The following SLC17A9 variants were observed in gnomAD, a reference collection of about 807,000 sequenced individuals.
SLC17A9 encodes voltage-gated purine nucleotide uniporter SLC17A9.
SLC17A9 carries 49 observed loss-of-function variants against 55.0 expected under a neutral mutation model. The observed-to-expected ratio is 0.89, with a 90% CI of 0.71 to 1.13. The LOEUF (loss-of-function observed/expected upper bound fraction) is 1.13. SLC17A9 is among the 50% of genes most tolerant of loss of function. The probability of loss-of-function intolerance (pLI) is 0.00; values close to 1 mark genes in which losing one functional copy is unlikely to be tolerated. For synonymous variants in SLC17A9, 256 were observed against 247.4 expected, an observed-to-expected ratio of 1.03 and a Z score of -0.32; for missense variants, 526 against 569.3, an observed-to-expected ratio of 0.92 and a Z score of 0.77.
chr20:62,953,622 C>G (rs2065510911), intron 1 of SLC17A9, among the ~76,000 whole-genome samples: 1 of 152,252 alleles, frequency 6.6e-6, no homozygotes, highest in Admixed American at 6.5e-5. Flanking sequence ...TGGGCCTAGA[C>G]TCAGGCCCTG....
Position 62,969,262 on chromosome 20 carries a change from A to ACGGTT in SLC17A9, c.*1764_*1768dup, listed in dbSNP as rs1680890873. 2 of 152,228 alleles carry ACGGTT rather than the reference A, an allele frequency of 1.3e-5. No individual in the cohort carries two copies. The highest frequency in any genetic ancestry group is 4.8e-5 in the African/African-American group (2 of 41,454). The allele number at this position is 152,228 out of a possible 1,614,324, so 9.4% of individuals were successfully genotyped here. Reference sequence around the variant, plus strand: ...TACCATTTTAGCCATTTTTAAGTGCACGGTTCTGTGGCATTAGGTACATTC... The same window carrying ACGGTT: ...TACCATTTTAGCCATTTTTAAGTGCACGGTTCGGTTCTGTGGCATTAGGTACATTC... On this transcript the variant is annotated 3_prime_UTR_variant, in exon 13 of 13. Transcript: ENST00000370351.
chr20:62,965,927 G>A (rs980942440), intron 10 of SLC17A9, among the ~76,000 whole-genome samples: 6 of 152,260 alleles, frequency 3.9e-5, no homozygotes, highest in Admixed American at 1.3e-4. Context: ...CAGCACGTGC[G>A]CGTGATTTGT....
rs763978816 is a variant in SLC17A9, at chr20:62,957,808, A to AGT, written c.397+237_397+238dup. ...GCACCTGTGTGTGTGTGCGTGTGCA[A>AGT]GTGTGTGTGTATGGGCATGCCCGCG... On this transcript the variant is annotated intron_variant, in intron 3 of 12. Coordinates refer to ENST00000370351, the MANE Select transcript of SLC17A9 (RefSeq NM_022082.4). Among the ~76,000 whole-genome samples, 6 of 96,588 alleles carry AGT rather than the reference A, an allele frequency of 6.2e-5. No homozygotes were observed. The South Asian group carries it at 1.3e-3, about 21-fold the overall frequency. The allele number at this position is 96,588 out of a possible 152,430, so 63.4% of individuals were successfully genotyped here.
rs1056942160 is a variant in SLC17A9 at position 62,960,451 on chromosome 20, G to C, written c.398-53G>C. Reference sequence around the variant, plus strand: ...CAGCCCAAACCTGAGCAGATAGGCCGGGAGGAGCCTCCCTGGATGGACCCT... The same window carrying C: ...CAGCCCAAACCTGAGCAGATAGGCCCGGAGGAGCCTCCCTGGATGGACCCT... On this transcript the variant is annotated intron_variant, in intron 3 of 12. Transcript: ENST00000370351. 14 of 1,543,306 alleles carry C rather than the reference G, an allele frequency of 9.1e-6. No individual in the cohort carries two copies. In the South Asian group the frequency reaches 1.5e-4, roughly 17 times the overall value.
chr20:62,954,377 G>A (rs2065517894), intron 1 of SLC17A9, among the ~76,000 whole-genome samples: 1 of 152,238 alleles, frequency 6.6e-6, no homozygotes, highest in Non-Finnish European at 1.5e-5. Flanking sequence ...GCCTGGCCCG[G>A]CCCCGCACAG....
At chr20:62,965,487 T>C (rs2065627790) in intron 9 of SLC17A9, 123 bp from the exon 10 acceptor site, 1 of 903,008 alleles carries the variant, frequency 1.1e-6, no homozygotes, top group Non-Finnish European at 1.7e-6. Flanking sequence ...GAGAAGTTTG[T>C]GGTCGCAGCC....
At chr20:62,965,101 C>T (rs558437560) in intron 8 of SLC17A9, 31 bp from the exon 9 acceptor site, 36 of 1,613,798 alleles carry the variant, frequency 2.2e-5, no homozygotes, top group South Asian at 4.4e-5. Context: ...AAAGGGCTAA[C>T]GGGAGCCCCT....
In SLC17A9 at chr20:62,969,077, G is replaced by A. The variant is rs1019266973; in HGVS notation, c.*1577G>A. Reference sequence around the variant, plus strand: ...GACGCTGCTGTGGGGTCTTGGGGCAGGAGGGGCTTCCAGAAGCCTGGCAGT... The same window carrying A: ...GACGCTGCTGTGGGGTCTTGGGGCAAGAGGGGCTTCCAGAAGCCTGGCAGT... On this transcript the variant is annotated 3_prime_UTR_variant, in exon 13 of 13. Coordinates refer to ENST00000370351, the MANE Select transcript of SLC17A9 (RefSeq NM_022082.4). 1 of 152,288 alleles carries A rather than the reference G, an allele frequency of 6.6e-6. No homozygotes were observed. Among genetic ancestry groups the A allele is most frequent in the Non-Finnish European group, 1.5e-5 (1 of 68,088 alleles). The allele number at this position is 152,288 out of a possible 1,614,324, so 9.4% of individuals were successfully genotyped here.
chr20:62,952,934 G>A lies in SLC17A9; in HGVS notation c.59+45G>A. 1.4e-6 allele frequency: 2 copies of A among 1,432,148 alleles called. 1 individual carries two copies. The highest frequency in any genetic ancestry group is 2.7e-5 in the South Asian group (2 of 73,350). The allele number at this position is 1,432,148 out of a possible 1,614,324, so 88.7% of individuals were successfully genotyped here. ...AGGGGGGGTGGGAGCGGTGGAGATG[G>A]GGCCGTGGGGAGGGAGCTGAGATAC... On this transcript the variant is annotated intron_variant, in intron 1 of 12. Transcript: ENST00000370351.
chr20:62,957,254 G>C (rs2065545007), intron 2 of SLC17A9, 187 bp from the exon 3 acceptor site: 1 of 985,286 alleles, frequency 1.0e-6, no homozygotes, highest in Admixed American at 6.1e-5. Flanking sequence ...TGCAGGCAGA[G>C]GAGGCAGGCC....
intron 8 of SLC17A9, 66 bp from the exon 9 acceptor site, chr20:62,965,066 G>C: frequency 2.5e-6 from 4 of 1,588,398 alleles, no homozygotes; most frequent in Non-Finnish European, 3.5e-6. Context: ...ATTCGGGATG[G>C]GACCCCCTCT....
At chr20:62,965,303 T>A in intron 9 of SLC17A9, 137 bp downstream of exon 9, 1 of 1,184,186 alleles carries the variant, frequency 8.4e-7, no homozygotes, top group Non-Finnish European at 1.2e-6. Context: ...TGTCCAGCAC[T>A]GGGGCCCAGA....
intron 1 of SLC17A9, among the ~76,000 whole-genome samples, chr20:62,955,241 A>G (rs1568910177): frequency 2.7e-5 from 4 of 150,222 alleles, no homozygotes; most frequent in Non-Finnish European, 5.9e-5. Context: ...TCTGCCTCCC[A>G]GGTTCAAGCG....
chr20:62,962,628 C>G lies in SLC17A9; in HGVS notation c.502C>G (p.Leu168Val). 6.2e-7 allele frequency: 1 copy of G among 1,613,858 alleles called. No homozygotes were observed. The highest frequency in any genetic ancestry group is 8.5e-7 in the Non-Finnish European group (1 of 1,179,810). Residue 168 changes from leucine to valine, a missense_variant, in exon 5 of 13, where the codon CTG becomes GTG. Transcript: ENST00000370351. This position sits in a 1 kb window ranked among gnomAD's most constrained non-coding sequence, Gnocchi z 5.5. ...ACACTCCCCCTGTCTTTGCAGGACGCTGCTGACCGGGGCGGTGGGCTCCCT... is the reference window on the plus strand; with the variant it reads ...ACACTCCCCCTGTCTTTGCAGGACGGTGCTGACCGGGGCGGTGGGCTCCCT... ...IVGAGSQFGT[L>V]LTGAVGSLLL...
At chr20:62,953,014 C>A in intron 1 of SLC17A9, 125 bp downstream of exon 1, 1 of 1,268,080 alleles carries the variant, frequency 7.9e-7, no homozygotes, top group East Asian at 2.6e-5. Context: ...GCTCCTCTGG[C>A]TGTGGGGCCC....
At chr20:62,957,204 TG>T in intron 2 of SLC17A9, 1 of 985,194 alleles carries the variant, frequency 1.0e-6, no homozygotes, top group Non-Finnish European at 1.2e-6. Flanking sequence ...AGATGGGAGC[TG>T]GGAGGGGAGA....
chr20:62,956,847 A>AC lies in SLC17A9; in HGVS notation c.144dup (p.Val49ArgfsTer42). ...CGCCCGCTCCAGCATGCCCATCTGC[A>AC]CCGTCTCCATGAGCCAGGACTTCGG... On this transcript the variant is annotated frameshift_variant, in exon 2 of 13. Coordinates refer to ENST00000370351, the MANE Select transcript of SLC17A9 (RefSeq NM_022082.4). LOFTEE classifies it high-confidence loss of function. 1 of 1,613,376 alleles carries AC rather than the reference A, an allele frequency of 6.2e-7. No individual in the cohort carries two copies. The highest frequency in any genetic ancestry group is 8.5e-7 in the Non-Finnish European group (1 of 1,180,006).
At position 62,963,496 on chromosome 20, in the gene SLC17A9, C is replaced by T. The variant is rs1377218533; in HGVS notation, c.726-88C>T. 4 of 1,508,012 alleles carry T rather than the reference C, an allele frequency of 2.7e-6. No homozygotes were observed. The Admixed American group carries it at 5.9e-5, about 22-fold the overall frequency. 93.4% of individuals were successfully genotyped at this position (1,508,012 alleles called of 1,614,324 possible). A position where few individuals can be genotyped will look rare whatever the true frequency, so the allele number is the denominator to read the frequency against. ...AGGGCTCAGAGAAGTGGGACTCTGG[C>T]CCCCAGGGGACGCCTCTCGGGGTGG... On this transcript the variant is annotated intron_variant, in intron 6 of 12. Coordinates refer to ENST00000370351, the MANE Select transcript of SLC17A9 (RefSeq NM_022082.4).
chr20:62,966,838 G>A, intron 12 of SLC17A9, 106 bp downstream of exon 12: 1 of 1,412,994 alleles, frequency 7.1e-7, no homozygotes, highest in Admixed American at 2.2e-5. Context: ...GGGTCCGGGT[G>A]TCAGAGGAGG....
Sources: gnomAD v4.1 joint callset for allele counts (sites outside exome capture counted in the v4.1 genomes callset) on GRCh38, gnomAD v4.1.1 for gene constraint, Gnocchi (gnomAD v3.1) non-coding constraint, MANE v1.5 for transcripts, NCBI Gene and HGNC (gene_info 2026-07-23, HGNC 2026-07-21) for gene names.